COL22A1: variants seen among roughly 807,000 people sequenced by gnomAD.
The protein encoded by COL22A1 is collagen type XXII alpha 1 chain.
Under a neutral mutation model 248.9 loss-of-function variants are expected in COL22A1, and 221 were observed. The observed-to-expected ratio is 0.89, with a 90% CI of 0.80 to 0.99. The LOEUF (loss-of-function observed/expected upper bound fraction) is 0.99, where lower values mean the gene tolerates loss of function less well. Ranked by LOEUF, COL22A1 falls within the 50% of genes least tolerant of loss-of-function variation. COL22A1 has a pLI of 0.00. For missense variants in COL22A1, 2,240 were observed against 2,179.0 expected, an observed-to-expected ratio of 1.03 and a Z score of -0.56; for synonymous variants, 891 against 793.4, an observed-to-expected ratio of 1.12 and a Z score of -2.07.
At chr8:138,694,274 C>A (rs1827319610) in intron 34 of COL22A1, among the ~76,000 whole-genome samples, 1 of 152,208 alleles carries the variant, frequency 6.6e-6, no homozygotes, top group Non-Finnish European at 1.5e-5. Context: ...TACACCAACC[C>A]TTTAGTGACA....
In COL22A1 at chr8:138,685,310, A is replaced by G; in HGVS notation, c.2865T>C (p.Gly955=). 4 of 1,613,090 alleles carry G rather than the reference A, an allele frequency of 2.5e-6. No individual in the cohort carries two copies. Among genetic ancestry groups the G allele is most frequent in the Non-Finnish European group, 3.4e-6 (4 of 1,179,482 alleles). The change falls in exon 38 of 65, where the codon GGT becomes GGC. Residue 955 remains glycine (G), a splice_region_variant and synonymous_variant. Coordinates refer to ENST00000303045, the MANE Select transcript of COL22A1 (RefSeq NM_152888.3). The stretch of plus-strand genomic sequence containing the variant: ...CTGGGCTGCCTTCTTCCCCCGCTGC[A>G]CCCTGGAAAGAAAAGTAGACATTTC... ...PGKDGERGEK[G]AAGEEGSPGP... is the part of the protein sequence containing the mutation.
At chr8:138,608,235 T>G (rs1334632522) in intron 56 of COL22A1, among the ~76,000 whole-genome samples, 2 of 152,234 alleles carry the variant, frequency 1.3e-5, no homozygotes, top group Non-Finnish European at 2.9e-5. Context: ...AAGTCTAGCC[T>G]GGTGAATGGT....
At chr8:138,875,313 T>A (rs2132029498) in intron 3 of COL22A1, among the ~76,000 whole-genome samples, 1 of 152,266 alleles carries the variant, frequency 6.6e-6, no homozygotes, top group East Asian at 1.9e-4. Flanking sequence ...ATTAACTGTG[T>A]GGCACATCCC....
chr8:138,739,139 A>G (rs1286181098), intron 22 of COL22A1, among the ~76,000 whole-genome samples: 2 of 152,160 alleles, frequency 1.3e-5, no homozygotes, highest in African/African-American at 2.4e-5. Context: ...TCCTTTGCTC[A>G]AAACACTACA....
In COL22A1 at chr8:138,704,664, G is replaced by A. The variant is rs553702099; in HGVS notation, c.2518-1317C>T. Among the ~76,000 whole-genome samples, 9 of 152,216 alleles carry A rather than the reference G, an allele frequency of 5.9e-5. No homozygotes were observed. In the East Asian group the frequency reaches 9.7e-4, roughly 16 times the overall value. ...GACCAAAGGTAGATAAAACCACAAAGATGGGGAGAAACCAGAGCAGAAAAG... is the reference window on the plus strand; with the variant it reads ...GACCAAAGGTAGATAAAACCACAAAAATGGGGAGAAACCAGAGCAGAAAAG... On this transcript the variant is annotated intron_variant, in intron 30 of 64. Transcript: ENST00000303045.
At chr8:138,880,726 C>T (rs754368637) in intron 2 of COL22A1, among the ~76,000 whole-genome samples, 9 of 152,204 alleles carry the variant, frequency 5.9e-5, no homozygotes, top group Non-Finnish European at 1.3e-4. Context: ...ACTTGGAGAT[C>T]ATTCCTGGGG....
intron 3 of COL22A1, among the ~76,000 whole-genome samples, chr8:138,869,972 T>C (rs1191930906): frequency 6.6e-6 from 1 of 152,088 alleles, no homozygotes; most frequent in African/African-American, 2.4e-5. Flanking sequence ...GTATGAGTAG[T>C]GTATATATGT....
intron 30 of COL22A1, among the ~76,000 whole-genome samples, chr8:138,713,925 G>T (rs943792371): frequency 1.0e-3 from 158 of 152,288 alleles, no homozygotes; most frequent in African/African-American, 3.5e-3. Context: ...CTTCTAAGAA[G>T]GGGCTGGGAC....
At chr8:138,755,692 A>C in intron 19 of COL22A1, 93 bp downstream of exon 19, 1 of 1,425,336 alleles carries the variant, frequency 7.0e-7, no homozygotes, top group Non-Finnish European at 9.9e-7. Flanking sequence ...ATGTCCTTGG[A>C]AGAGCGTTGC....
At chr8:138,836,994 G>A (rs1009857583) in intron 4 of COL22A1, among the ~76,000 whole-genome samples, 3 of 152,148 alleles carry the variant, frequency 2.0e-5, no homozygotes, top group African/African-American at 7.2e-5. Context: ...GTTCCAGCTG[G>A]GACAGTGAGG....
chr8:138,762,622 C>T (rs1316502809), intron 16 of COL22A1, among the ~76,000 whole-genome samples, 156 bp from the exon 17 acceptor site: 2 of 148,796 alleles, frequency 1.3e-5, no homozygotes, highest in South Asian at 2.1e-4. Flanking sequence ...CAGCCCTAGA[C>T]GGGATGTGTC....
In COL22A1 at chr8:138,883,196, G is replaced by A. The variant is rs1824377992; in HGVS notation, c.-24C>T. 6.4e-7 allele frequency: 1 copy of A among 1,556,234 alleles called. No homozygotes were observed. Among genetic ancestry groups the A allele is most frequent in the Non-Finnish European group, 8.7e-7 (1 of 1,149,302 alleles). On this transcript the variant is annotated 5_prime_UTR_variant, in exon 2 of 65. Transcript: ENST00000303045. ...ATGGCTCTCCTGTTCTTGGGGACAG[G>A]CTTCTCTTGGCCAGGAAGAGACGCT...
At chr8:138,690,993 C>A in intron 35 of COL22A1, 119 bp from the exon 36 acceptor site, 1 of 741,544 alleles carries the variant, frequency 1.3e-6, no homozygotes, top group Non-Finnish European at 2.1e-6. Flanking sequence ...CTGCTGCTGA[C>A]CTGACAGCCT....
At chr8:138,811,474 T>G (rs889909627) in intron 9 of COL22A1, among the ~76,000 whole-genome samples, 1 of 152,090 alleles carries the variant, frequency 6.6e-6, no homozygotes, top group Non-Finnish European at 1.5e-5. Flanking sequence ...AAATCCTCAC[T>G]CACTGTCTTC....
At chr8:138,778,257 T>C in intron 15 of COL22A1, 96 bp downstream of exon 15, 1 of 1,354,356 alleles carries the variant, frequency 7.4e-7, no homozygotes, top group South Asian at 1.2e-5. Context: ...AAAACAGCAT[T>C]ACTGTCTAGA....
intron 52 of COL22A1, 113 bp from the exon 53 acceptor site, chr8:138,619,621 C>G: frequency 1.1e-6 from 1 of 949,556 alleles, no homozygotes; most frequent in Non-Finnish European, 1.7e-6. Context: ...TCTATCCACC[C>G]TGTCAGCCCT....
intron 12 of COL22A1, among the ~76,000 whole-genome samples, chr8:138,790,738 T>A (rs1039924035): frequency 5.3e-5 from 8 of 152,188 alleles, no homozygotes; most frequent in Non-Finnish European, 1.0e-4. Flanking sequence ...GACCTGACTG[T>A]CACCCAAAGG....
chr8:138,679,772 C>T, intron 39 of COL22A1, 96 bp from the exon 40 acceptor site: 4 of 1,091,364 alleles, frequency 3.7e-6, no homozygotes, highest in Non-Finnish European at 5.6e-6. Flanking sequence ...TGGATCTATG[C>T]ATCTCTGTAT....
chr8:138,604,552 G>C (rs1313661493), intron 59 of COL22A1, among the ~76,000 whole-genome samples, 182 bp downstream of exon 59: 1 of 152,210 alleles, frequency 6.6e-6, no homozygotes, highest in Non-Finnish European at 1.5e-5. Context: ...CATAATTTGT[G>C]GGGCTCCGGG....
Sources: allele counts gnomAD v4.1 joint callset (sites outside exome capture counted in the v4.1 genomes callset), GRCh38; gene constraint gnomAD v4.1.1; transcripts MANE v1.5; gene names NCBI Gene and HGNC (gene_info 2026-07-23, HGNC 2026-07-21).